Variants in L2HGDH observed in about 807,000 individuals in gnomAD.
L2HGDH encodes the protein L-2-hydroxyglutarate dehydrogenase.
In L2HGDH, 34 loss-of-function variants were observed where a neutral mutation model predicts 51.5. The ratio of observed to expected loss-of-function variants is 0.66; its 90% CI spans 0.50 to 0.88. The LOEUF is 0.88. Ranked by LOEUF, L2HGDH falls within the 40% of genes least tolerant of loss-of-function variation. The pLI is 0.00. For synonymous variants in L2HGDH, 198 were observed against 197.9 expected, an observed-to-expected ratio of 1.00 and a Z score of -0.01; for missense variants, 558 against 571.9, an observed-to-expected ratio of 0.98 and a Z score of 0.25.
chr14:50,276,640 C>T (rs1216151583), intron 6 of L2HGDH, among the ~76,000 whole-genome samples: 2 of 152,064 alleles, frequency 1.3e-5, no homozygotes, highest in Admixed American at 6.6e-5. Context: ...CTCTCTTTTC[C>T]GGCACACACA....
intron 6 of L2HGDH, among the ~76,000 whole-genome samples, chr14:50,273,112 G>A (rs1889792102): frequency 6.6e-6 from 1 of 152,162 alleles, no homozygotes; most frequent in Non-Finnish European, 1.5e-5. Context: ...AACAACTAAT[G>A]GTTTGGCTAG....
intron 1 of L2HGDH, among the ~76,000 whole-genome samples, chr14:50,311,106 A>AT (rs1260862117): frequency 6.6e-6 from 1 of 151,416 alleles, no homozygotes; most frequent in Non-Finnish European, 1.5e-5. Context: ...CGCCAGGCTA[A>AT]TTTTTTTGTA....
At chr14:50,287,691 CTTTTTTTTT>C (rs911689718) in intron 4 of L2HGDH, among the ~76,000 whole-genome samples, 1 of 85,264 alleles carries the variant, frequency 1.2e-5, no homozygotes, top group African/African-American at 5.0e-5. Flanking sequence ...TATTTTTTTC[CTTTTTTTTT>C]TTTTTTTTTT....
At chr14:50,261,689 G>C (rs1323949172) in intron 9 of L2HGDH, among the ~76,000 whole-genome samples, 1 of 151,836 alleles carries the variant, frequency 6.6e-6, no homozygotes, top group Non-Finnish European at 1.5e-5. Flanking sequence ...TCACTATATT[G>C]CCCAGGCTGG....
At chr14:50,263,844 T>C (rs1402060886) in intron 9 of L2HGDH, among the ~76,000 whole-genome samples, 1 of 151,108 alleles carries the variant, frequency 6.6e-6, no homozygotes, top group Non-Finnish European at 1.5e-5. Flanking sequence ...GGTGTGATCT[T>C]GCCTCACTGC....
chr14:50,287,188 A>G (rs1890609463), intron 4 of L2HGDH: 3 of 984,982 alleles, frequency 3.0e-6, no homozygotes, highest in South Asian at 4.7e-5. Context: ...AGGACCTGTG[A>G]TGGTCACCTC....
chr14:50,306,710 A>C (rs113257889), intron 1 of L2HGDH, among the ~76,000 whole-genome samples: 61 of 151,348 alleles, frequency 4.0e-4, no homozygotes, highest in Middle Eastern at 3.4e-3. Context: ...GATACCAGTT[A>C]ACAGTGATTG....
intron 9 of L2HGDH, among the ~76,000 whole-genome samples, chr14:50,250,592 C>T (rs1265556302): frequency 1.3e-5 from 2 of 152,190 alleles, no homozygotes; most frequent in Non-Finnish European, 2.9e-5. Flanking sequence ...GGGCCCTGGG[C>T]AAGACCCAGT....
chr14:50,288,288 C>T (rs950533837), intron 4 of L2HGDH, among the ~76,000 whole-genome samples: 1 of 152,148 alleles, frequency 6.6e-6, no homozygotes, highest in South Asian at 2.1e-4. Context: ...TGTTGTTTTG[C>T]ATTGAGCTTC....
chr14:50,302,246 G>C, intron 2 of L2HGDH, 78 bp from the exon 3 acceptor site: 1 of 1,477,054 alleles, frequency 6.8e-7, no homozygotes, highest in Non-Finnish European at 9.4e-7. Context: ...CAAACTTATA[G>C]TTGAAGCTAT....
Position 50,246,410 on chromosome 14 carries a change from G to A in L2HGDH, c.*648C>T, listed in dbSNP as rs1888002108. ...TTTTTGTATTTTTTGTAGAGATGGGGTTTCATTCACTATGTTGCCCAGGCT... is the reference window on the plus strand; with the variant it reads ...TTTTTGTATTTTTTGTAGAGATGGGATTTCATTCACTATGTTGCCCAGGCT... On this transcript the variant is annotated 3_prime_UTR_variant, in exon 10 of 10. Coordinates refer to ENST00000267436, the MANE Select transcript of L2HGDH (RefSeq NM_024884.3). 1 of 145,076 alleles carries A rather than the reference G, an allele frequency of 6.9e-6. No individual in the cohort carries two copies. The highest frequency in any genetic ancestry group is 1.5e-5 in the Non-Finnish European group (1 of 66,048). The allele number at this position is 145,076 out of a possible 1,614,324, so 9.0% of individuals were successfully genotyped here.
At chr14:50,290,669 T>C (rs534753832) in intron 4 of L2HGDH, among the ~76,000 whole-genome samples, 1 of 152,144 alleles carries the variant, frequency 6.6e-6, no homozygotes, top group South Asian at 2.1e-4. Flanking sequence ...TTGAATTTCA[T>C]ATATTTTTTT....
At chr14:50,303,078 C>T in intron 1 of L2HGDH, 61 bp from the exon 2 acceptor site, 1 of 1,020,330 alleles carries the variant, frequency 9.8e-7, no homozygotes, top group Non-Finnish European at 1.6e-6. Context: ...CCAAACTTCA[C>T]ATGCATAATT....
rs78819860 is a variant in L2HGDH at position 50,289,405 on chromosome 14, A to G, written c.540+4710T>C. On this transcript the variant is annotated intron_variant, in intron 4 of 9. Coordinates refer to ENST00000267436, the MANE Select transcript of L2HGDH (RefSeq NM_024884.3). ...CTTAATTATCTTAACAGGGTAATCTATTATCCTGTTTCTTATCTACACAGT... is the reference window on the plus strand; with the variant it reads ...CTTAATTATCTTAACAGGGTAATCTGTTATCCTGTTTCTTATCTACACAGT... Among the ~76,000 whole-genome samples the G allele has an allele frequency of 4.1e-3, 625 of 152,186 alleles. 3 individuals carry two copies. Among genetic ancestry groups the G allele is most frequent in the African/African-American group, 0.014 (594 of 41,530 alleles).
At chr14:50,287,557 T>G (rs1350665654) in intron 4 of L2HGDH, among the ~76,000 whole-genome samples, 1 of 152,042 alleles carries the variant, frequency 6.6e-6, no homozygotes, top group Non-Finnish European at 1.5e-5. Flanking sequence ...AATTGGCATG[T>G]CCTTTTGAAG....
At chr14:50,254,274 A>G (rs1888526678) in intron 9 of L2HGDH, among the ~76,000 whole-genome samples, 2 of 152,136 alleles carry the variant, frequency 1.3e-5, no homozygotes, top group African/African-American at 2.4e-5. Context: ...TATGCATTAC[A>G]TGCCTGCAGC....
chr14:50,300,987 G>A (rs555879375), intron 3 of L2HGDH, among the ~76,000 whole-genome samples: 1 of 152,010 alleles, frequency 6.6e-6, no homozygotes, highest in Non-Finnish European at 1.5e-5. Flanking sequence ...ACCGCACCCG[G>A]CTAACTTTTT....
intron 4 of L2HGDH, chr14:50,293,162 G>A (rs2029869660): frequency 2.9e-6 from 2 of 693,698 alleles, no homozygotes; most frequent in Non-Finnish European, 5.2e-6. Context: ...CACAGAAGAG[G>A]CAATGGAACA....
intron 8 of L2HGDH, among the ~76,000 whole-genome samples, chr14:50,266,443 G>A (rs1889338568): frequency 6.6e-6 from 1 of 152,128 alleles, no homozygotes; most frequent in African/African-American, 2.4e-5. Flanking sequence ...AGGAGTTCGA[G>A]ACCAGGCTGT....
Sources: gnomAD v4.1 joint callset for allele counts (sites outside exome capture counted in the v4.1 genomes callset) on GRCh38, gnomAD v4.1.1 for gene constraint, MANE v1.5 for transcripts, NCBI Gene and HGNC (gene_info 2026-07-23, HGNC 2026-07-21) for gene names.